GPC5: variants seen among roughly 807,000 people sequenced by gnomAD.
GPC5 encodes glypican-5.
Under a neutral mutation model 53.9 loss-of-function variants are expected in GPC5, and 47 were observed. The observed-to-expected ratio is 0.87, with a 90% CI of 0.69 to 1.11. The LOEUF is 1.11. Ranked by LOEUF, GPC5 falls within the 50% of genes most tolerant of loss-of-function variation. The pLI, the probability that GPC5 is intolerant of heterozygous loss-of-function variation, is 0.00. For missense variants in GPC5, 748 were observed against 713.1 expected (o/e 1.05, Z -0.56); for synonymous variants, 286 against 263.3 (o/e 1.09, Z -0.84).
chr13:91,801,893 G>C (rs931416870), intron 5 of GPC5, among the ~76,000 whole-genome samples: 5 of 152,144 alleles, frequency 3.3e-5, no homozygotes, highest in African/African-American at 9.7e-5. Context: ...ACAGCTCTCT[G>C]TGGCTAGGCA....
rs191784500 is a variant in GPC5, at chr13:92,174,545, A to C, written c.1561+29556A>C. On this transcript the variant is annotated intron_variant, in intron 7 of 7. Transcript: ENST00000377067. Reference sequence around the variant, plus strand: ...GCGAGATTCCAACTCAAAGAAAAAAAAAAAACAAAAACAACAACAACAACA... The same window carrying C: ...GCGAGATTCCAACTCAAAGAAAAAACAAAAACAAAAACAACAACAACAACA... Among the ~76,000 whole-genome samples the C allele has an allele frequency of 4.8e-3, 724 of 150,886 alleles. 4 individuals carry two copies. The highest frequency in any genetic ancestry group is 0.013 in the Admixed American group (203 of 15,104).
chr13:91,787,926 A>G (rs761193576), intron 5 of GPC5, among the ~76,000 whole-genome samples: 1 of 152,192 alleles, frequency 6.6e-6, no homozygotes, highest in Non-Finnish European at 1.5e-5. Context: ...AAGCATGCAT[A>G]TATTTATGCA....
intron 2 of GPC5, among the ~76,000 whole-genome samples, chr13:91,583,804 T>C (rs910335094): frequency 5.3e-5 from 8 of 152,128 alleles, no homozygotes; most frequent in Non-Finnish European, 1.0e-4. Context: ...AAAAATAGGA[T>C]TTTTTGAAGG....
intron 6 of GPC5, among the ~76,000 whole-genome samples, chr13:92,012,674 A>G (rs145512821): frequency 0.011 from 1,644 of 152,338 alleles, 22 homozygotes; most frequent in Non-Finnish European, 0.019. Context: ...ATACTGGATC[A>G]CTGGATTCCA....
rs1376971630 is a variant in GPC5 at position 92,556,062 on chromosome 13, C to T, written c.1562-310220C>T. On this transcript the variant is annotated intron_variant, in intron 7 of 7. Transcript: ENST00000377067. ...TCATGAGTAGATATTTTTATACTCC[C>T]CTTTATTTCCTGTAAATTGAGTATT... is the stretch of plus-strand genomic sequence containing the variant. 2.0e-5 allele frequency among the ~76,000 whole-genome samples: 3 copies of T among 151,698 alleles called. No individual in the cohort carries two copies. The East Asian group carries it at 5.8e-4, about 29-fold the overall frequency.
At chr13:92,499,654 G>A (rs9561074) in intron 7 of GPC5, among the ~76,000 whole-genome samples, 88,814 of 151,934 alleles carry the variant, frequency 0.58, 26,670 homozygotes, top group East Asian at 0.75. Context: ...AGAGCATAAA[G>A]TGCCAGAATC....
At chr13:91,526,731 G>A (rs560915155) in intron 2 of GPC5, among the ~76,000 whole-genome samples, 40 of 152,290 alleles carry the variant, frequency 2.6e-4, no homozygotes, top group African/African-American at 9.4e-4. Context: ...AACTGCCTGA[G>A]ACTGGGTAAT....
intron 7 of GPC5, among the ~76,000 whole-genome samples, chr13:92,562,283 T>G (rs1213745947): frequency 6.6e-6 from 1 of 152,048 alleles, no homozygotes; most frequent in Non-Finnish European, 1.5e-5. Context: ...CACCACTTCC[T>G]TCTTGTGGCA....
At chr13:92,612,652 T>C (rs1476853032) in intron 7 of GPC5, among the ~76,000 whole-genome samples, 1 of 152,152 alleles carries the variant, frequency 6.6e-6, no homozygotes, top group African/African-American at 2.4e-5. Flanking sequence ...GTTCTCATAG[T>C]GCTCACATTG....
chr13:91,964,556 C>T (rs780730914), intron 6 of GPC5, among the ~76,000 whole-genome samples: 3 of 152,136 alleles, frequency 2.0e-5, no homozygotes, highest in Non-Finnish European at 4.4e-5. Context: ...GTCCCCTACC[C>T]GATTAGCTAG....
intron 7 of GPC5, among the ~76,000 whole-genome samples, chr13:92,723,703 C>A (rs901821041): frequency 1.5e-4 from 23 of 151,624 alleles, no homozygotes; most frequent in Non-Finnish European, 5.9e-5. Flanking sequence ...AGATAATGCA[C>A]CTTTGCTTGC....
At chr13:91,752,277 G>T (rs367957185) in intron 4 of GPC5, among the ~76,000 whole-genome samples, 11 of 152,090 alleles carry the variant, frequency 7.2e-5, no homozygotes, top group African/African-American at 2.7e-4. Context: ...TATAGACAGG[G>T]TCTCACTATG....
At chr13:92,504,429 T>C (rs1469122004) in intron 7 of GPC5, among the ~76,000 whole-genome samples, 3 of 151,952 alleles carry the variant, frequency 2.0e-5, no homozygotes, top group Admixed American at 1.3e-4. Context: ...GATCTGTAGA[T>C]TTAATGCAAG....
chr13:92,002,457 AATGTCTTAC>A (rs1332737473), intron 6 of GPC5, among the ~76,000 whole-genome samples: 2 of 152,190 alleles, frequency 1.3e-5, no homozygotes, highest in African/African-American at 4.8e-5. Flanking sequence ...AATAAACCAT[AATGTCTTAC>A]ATGGAGAAAG....
intron 4 of GPC5, among the ~76,000 whole-genome samples, chr13:91,734,239 T>C (rs914917609): frequency 1.3e-5 from 2 of 151,372 alleles, no homozygotes; most frequent in Non-Finnish European, 2.9e-5. Context: ...CAGTATTTTA[T>C]TGAGGATTTT....
intron 7 of GPC5, among the ~76,000 whole-genome samples, chr13:92,265,483 C>A (rs763919986): frequency 5.9e-5 from 9 of 151,592 alleles, no homozygotes; most frequent in Non-Finnish European, 1.0e-4. Context: ...GTAAGATTTT[C>A]CTCATTTATC....
intron 6 of GPC5, among the ~76,000 whole-genome samples, chr13:92,133,320 C>T (rs990482432): frequency 3.9e-5 from 6 of 152,226 alleles, no homozygotes; most frequent in South Asian, 2.1e-4. Flanking sequence ...TGCCATCTGG[C>T]GTACACGAGG....
chr13:92,453,010 C>T (rs752732838), intron 7 of GPC5, among the ~76,000 whole-genome samples: 3 of 152,200 alleles, frequency 2.0e-5, no homozygotes, highest in Non-Finnish European at 2.9e-5. Context: ...TAACCCTATG[C>T]CGCACTACTA....
At chr13:92,707,688 C>A (rs147805650) in intron 7 of GPC5, among the ~76,000 whole-genome samples, 3 of 152,050 alleles carry the variant, frequency 2.0e-5, no homozygotes, top group Non-Finnish European at 2.9e-5. Context: ...GAAAGACCAG[C>A]CAGGTTGTAA....
Sources: allele counts gnomAD v4.1 joint callset (sites outside exome capture counted in the v4.1 genomes callset), GRCh38; gene constraint gnomAD v4.1.1; transcripts MANE v1.5; gene names NCBI Gene and HGNC (gene_info 2026-07-23, HGNC 2026-07-21).